The following CSPG4 variants were observed in gnomAD, a reference collection of about 807,000 sequenced individuals.
CSPG4 encodes chondroitin sulfate proteoglycan 4, also known as chondroitin sulfate proteoglycan 4 (melanoma-associated).
A neutral mutation model predicts 139.3 loss-of-function variants in CSPG4; 74 were observed. That is an observed-to-expected ratio of 0.53 (90% CI 0.44 to 0.64). The LOEUF (loss-of-function observed/expected upper bound fraction) is 0.64, where lower values mean the gene tolerates loss of function less well. Ranked by LOEUF, CSPG4 falls within the 30% of genes least tolerant of loss-of-function variation. The pLI, the probability that CSPG4 is intolerant of heterozygous loss-of-function variation, is 0.00. For missense variants in CSPG4, 2,565 were observed against 3,148.3 expected, an observed-to-expected ratio of 0.81 and a Z score of 4.43; for synonymous variants, 1,234 against 1,394.2, an observed-to-expected ratio of 0.89 and a Z score of 2.56.
At chr15:75,677,525 A>C in intron 9 of CSPG4, 141 bp from the exon 10 acceptor site, 1 of 1,194,162 alleles carries the variant, frequency 8.4e-7, no homozygotes, top group Non-Finnish European at 1.2e-6. Flanking sequence ...CAGGGTTCCC[A>C]GGAGGATAAG....
rs770877552 is a variant in CSPG4, at chr15:75,682,701, G to A, written c.4689C>T (p.Gly1563=). 1.4e-5 allele frequency: 23 copies of A among 1,612,902 alleles called. No homozygotes were observed. Among genetic ancestry groups the A allele is most frequent in the Middle Eastern group, 1.6e-4 (1 of 6,080 alleles). ...DGGFRFRLSD[G]EHTSPGHFFR... ...AGAAGTGTCCGGGGGAAGTGTGCTC[G>A]CCGTCAGAGAGGCGGAAGCGGAAGC... The change falls in exon 7 of 10, where the codon GGC becomes GGT. Residue 1563 remains glycine, a synonymous_variant. Coordinates refer to ENST00000308508, the MANE Select transcript of CSPG4 (RefSeq NM_001897.5).
At chr15:75,692,731 G>A (rs557811676) in intron 2 of CSPG4, among the ~76,000 whole-genome samples, 9 of 152,334 alleles carry the variant, frequency 5.9e-5, no homozygotes, top group East Asian at 3.9e-4. Context: ...TGCAGGGAAC[G>A]GGAGAGGCGC....
At chr15:75,710,652 G>A (rs963307779) in intron 1 of CSPG4, among the ~76,000 whole-genome samples, 2 of 152,198 alleles carry the variant, frequency 1.3e-5, no homozygotes, top group Non-Finnish European at 2.9e-5. Flanking sequence ...AGTAGAGGGA[G>A]AGCCTCCCAG....
intron 8 of CSPG4, chr15:75,679,378 C>G (rs1393897678): frequency 6.6e-6 from 1 of 152,610 alleles, no homozygotes; most frequent in Non-Finnish European, 1.5e-5. Flanking sequence ...TGTGTCCCAG[C>G]TGCAGTCCCC....
In CSPG4 at chr15:75,696,127, G is replaced by A. The variant is rs1404777937; in HGVS notation, c.89-2894C>T. On this transcript the variant is annotated intron_variant, in intron 1 of 9. Coordinates refer to ENST00000308508, the MANE Select transcript of CSPG4 (RefSeq NM_001897.5). This position sits in a 1 kb window ranked among gnomAD's most constrained non-coding sequence, Gnocchi z 4.2. ...GGCTGCCCTCTGAGCCAGGAGAAGG[G>A]GCCCACTTCAGGCCTCAGTGTCACC... Among the ~76,000 whole-genome samples the A allele has an allele frequency of 6.6e-6, 1 of 152,098 alleles. No homozygotes were observed. Among genetic ancestry groups the A allele is most frequent in the African/African-American group, 2.4e-5 (1 of 41,402 alleles).
chr15:75,682,683 T>C lies in CSPG4; in HGVS notation c.4707A>G (p.Gly1569=), dbSNP rs756478440. 3 of 1,612,970 alleles carry C rather than the reference T, an allele frequency of 1.9e-6. No homozygotes were observed. The South Asian group carries it at 3.3e-5, about 18-fold the overall frequency. Residue 1569 remains glycine, a synonymous_variant, in exon 7 of 10, where the codon GGA becomes GGG. Coordinates refer to ENST00000308508, the MANE Select transcript of CSPG4 (RefSeq NM_001897.5). ...RLSDGEHTSP[G]HFFRVTAQKQ... is the part of the protein sequence containing the mutation. The stretch of plus-strand genomic sequence containing the variant: ...TCTGGGCCGTCACTCGGAAGAAGTG[T>C]CCGGGGGAAGTGTGCTCGCCGTCAG...
rs544971691 is a variant in CSPG4 at position 75,696,368 on chromosome 15, C to A, written c.89-3135G>T. Among the ~76,000 whole-genome samples, 3 of 152,028 alleles carry A rather than the reference C, an allele frequency of 2.0e-5. No homozygotes were observed. Among genetic ancestry groups the A allele is most frequent in the African/African-American group, 7.2e-5 (3 of 41,380 alleles). On this transcript the variant is annotated intron_variant, in intron 1 of 9. Coordinates refer to ENST00000308508, the MANE Select transcript of CSPG4 (RefSeq NM_001897.5). This position sits in a 1 kb window ranked among gnomAD's most constrained non-coding sequence, Gnocchi z 4.2. Reference sequence around the variant, plus strand: ...CGTGGGAGGGGCAGGAAGAGTGCTGCGTGTATGGGTTTCTCTCTCTGGAAG... The same window carrying A: ...CGTGGGAGGGGCAGGAAGAGTGCTGAGTGTATGGGTTTCTCTCTCTGGAAG...
chr15:75,692,207 C>T (rs1894173170), intron 2 of CSPG4, among the ~76,000 whole-genome samples: 1 of 152,202 alleles, frequency 6.6e-6, no homozygotes, highest in Non-Finnish European at 1.5e-5. Flanking sequence ...TGGTCTCGAA[C>T]TCCTGACCTC....
chr15:75,713,202 G>A (rs1337101634), upstream of CSPG4, among the ~76,000 whole-genome samples: 1 of 152,172 alleles, frequency 6.6e-6, no homozygotes, highest in African/African-American at 2.4e-5. Flanking sequence ...CCCCTCCACA[G>A]GCACACTCCA....
chr15:75,684,403 G>T (rs566268209), intron 5 of CSPG4, among the ~76,000 whole-genome samples: 2 of 152,318 alleles, frequency 1.3e-5, no homozygotes, highest in South Asian at 2.1e-4. Context: ...AACAGCTTCC[G>T]CCCTGATGCC....
At position 75,688,811 on chromosome 15, in the gene CSPG4, C is replaced by T. The variant is rs999681379; in HGVS notation, c.2254G>A (p.Ala752Thr). 9.9e-6 allele frequency: 16 copies of T among 1,612,800 alleles called. No individual in the cohort carries two copies. The Admixed American group carries it at 1.0e-4, about 10-fold the overall frequency. Reference protein sequence around the residue: ...RYLSTDPQHHAYDTVENLALE... With the variant: ...RYLSTDPQHHTYDTVENLALE... ...GCCAGGTTCTCCACGGTGTCGTAAG[C>T]GTGGTGCTGTGGGTCAGTGCTCAGG... Residue 752 changes from alanine to threonine, a missense_variant, in exon 3 of 10, where the codon GCT becomes ACT. Coordinates refer to ENST00000308508, the MANE Select transcript of CSPG4 (RefSeq NM_001897.5).
intron 1 of CSPG4, among the ~76,000 whole-genome samples, chr15:75,704,856 G>A (rs1053563021): frequency 6.6e-5 from 10 of 152,238 alleles, no homozygotes; most frequent in Non-Finnish European, 2.9e-5. Flanking sequence ...TATATCATGA[G>A]TGGTGGTAAC....
Position 75,701,638 on chromosome 15 carries a change from T to C in CSPG4, c.89-8405A>G, listed in dbSNP as rs1596013019. Among the ~76,000 whole-genome samples the C allele has an allele frequency of 6.6e-5, 10 of 152,182 alleles. No individual in the cohort carries two copies. In the East Asian group the frequency reaches 1.9e-3, roughly 29 times the overall value. ...ACCACACTCCCTCTGGCCCTCCTTT[T>C]CTCTCCCGGCCTCAGGCCCAGCCTC... On this transcript the variant is annotated intron_variant, in intron 1 of 9. Transcript: ENST00000308508.
At position 75,677,057 on chromosome 15, in the gene CSPG4, A is replaced by T; in HGVS notation, c.5462T>A (p.Phe1821Tyr). ...ATTTACATCCCTCACCGTGATGGCA[A>T]AGGCCTCTGAGGTTTGGGGTCCAGC... ...SVAGPQTSEA[F>Y]AITVRDVNER... Residue 1821 changes from phenylalanine to tyrosine, a missense_variant, in exon 10 of 10, where the codon TTT becomes TAT. By Grantham distance (22) the Phe-to-Tyr change is conservative. Transcript: ENST00000308508. 1 of 1,421,640 alleles carries T rather than the reference A, an allele frequency of 7.0e-7. No individual in the cohort carries two copies. 88.1% of individuals were successfully genotyped at this position (1,421,640 alleles called of 1,614,324 possible).
At chr15:75,683,093 T>G (rs760360225) in intron 5 of CSPG4, 52 bp from the exon 6 acceptor site, 1 of 1,551,418 alleles carries the variant, frequency 6.4e-7, no homozygotes, top group Admixed American at 1.8e-5. Flanking sequence ...ACCCACCCCT[T>G]CCTCCCCGGC....
intron 1 of CSPG4, among the ~76,000 whole-genome samples, chr15:75,697,728 C>T (rs991931260): frequency 5.9e-5 from 9 of 152,122 alleles, no homozygotes; most frequent in South Asian, 4.2e-4. Context: ...AGCTGCTGGC[C>T]CGTGGGGAGT....
chr15:75,677,038 A>G lies in CSPG4; in HGVS notation c.5481T>C (p.Asp1827=), dbSNP rs369695838. Reference sequence around the variant, plus strand: ...GTGGCTGAGGGGGCCGCTCATTTACATCCCTCACCGTGATGGCAAAGGCCT... The same window carrying G: ...GTGGCTGAGGGGGCCGCTCATTTACGTCCCTCACCGTGATGGCAAAGGCCT... The part of the protein sequence containing the change: ...TSEAFAITVR[D]VNERPPQPQA... Residue 1827 remains aspartate (D), a synonymous_variant, in exon 10 of 10, where the codon GAT becomes GAC. Transcript: ENST00000308508. 7.0e-7 allele frequency: 1 copy of G among 1,428,074 alleles called. No individual in the cohort carries two copies. The highest frequency in any genetic ancestry group is 1.4e-5 in the African/African-American group (1 of 69,294). 88.5% of individuals were successfully genotyped at this position (1,428,074 alleles called of 1,614,324 possible).
chr15:75,690,785 G>A lies in CSPG4; in HGVS notation c.280C>T (p.Leu94=), dbSNP rs749329113. Residue 94 remains leucine, a synonymous_variant, in exon 3 of 10, where the codon CTG becomes TTG. Transcript: ENST00000308508. The part of the protein sequence containing the change: ...QVRLVLGQEE[L]RLQTPAETLL... The stretch of plus-strand genomic sequence containing the variant: ...GTCTCTGCTGGAGTCTGCAGCCTCA[G>A]CTCCTCCTGGCCCAGAACAAGTCTG... The A allele has an allele frequency of 6.2e-7, 1 of 1,612,012 alleles. No individual in the cohort carries two copies. The highest frequency in any genetic ancestry group is 2.2e-5 in the East Asian group (1 of 44,854).
chr15:75,690,937 G>A, intron 2 of CSPG4, 125 bp from the exon 3 acceptor site: 1 of 1,027,984 alleles, frequency 9.7e-7, no homozygotes, highest in Non-Finnish European at 1.4e-6. Context: ...CACTTTGGGA[G>A]GCCAAGGCAG....
Sources: allele counts gnomAD v4.1 joint callset (sites outside exome capture counted in the v4.1 genomes callset), GRCh38; gene constraint gnomAD v4.1.1; non-coding constraint Gnocchi (gnomAD v3.1); transcripts MANE v1.5; gene names NCBI Gene and HGNC (gene_info 2026-07-23, HGNC 2026-07-21).